Variants in KLF13 observed in about 807,000 individuals in gnomAD.
The protein encoded by KLF13 is Krueppel-like factor 13.
KLF13 carries 8 observed loss-of-function variants against 16.7 expected under a neutral mutation model. That is an observed-to-expected ratio of 0.48 (90% CI 0.28 to 0.87). KLF13 has a LOEUF of 0.87. KLF13 is among the 40% of genes least tolerant of loss of function. The probability of loss-of-function intolerance (pLI) is 0.10; values close to 1 mark genes in which losing one functional copy is unlikely to be tolerated. For synonymous variants in KLF13, 245 were observed against 208.4 expected (o/e 1.18, Z -1.51); for missense variants, 447 against 452.2 (o/e 0.99, Z 0.10).
At chr15:31,423,288 C>T (rs1253105812) in intron 1 of KLF13, among the ~76,000 whole-genome samples, 2 of 148,918 alleles carry the variant, frequency 1.3e-5, no homozygotes, top group African/African-American at 5.0e-5. Context: ...GATTTTAATA[C>T]CTTGCTTTCA....
At chr15:31,404,306 C>T (rs1447416816) in exon 3 of KLF13, 1 of 152,080 alleles carries the variant, frequency 6.6e-6, no homozygotes, top group African/African-American at 2.4e-5. Flanking sequence ...AGAAGGCTAC[C>T]TCTACCAGCT....
intron 2 of KLF13, among the ~76,000 whole-genome samples, chr15:31,398,849 C>T (rs1260704546): frequency 6.6e-6 from 1 of 152,192 alleles, no homozygotes; most frequent in Admixed American, 6.5e-5. Flanking sequence ...GCCAAGAAGC[C>T]GTGGGCAAGC....
chr15:31,335,435 A>C (rs28492026), intron 1 of KLF13, among the ~76,000 whole-genome samples: 1 of 34,888 alleles, frequency 2.9e-5, no homozygotes, highest in Non-Finnish European at 7.0e-5. Flanking sequence ...GTGTGTGTGT[A>C]TGTGTGTGTG....
intron 1 of KLF13, chr15:31,339,939 C>T: frequency 1.4e-6 from 1 of 702,362 alleles, no homozygotes; most frequent in South Asian, 1.5e-5. Context: ...CTGCTCTGCC[C>T]ACCCATGGAT....
intron 1 of KLF13, among the ~76,000 whole-genome samples, chr15:31,428,396 A>G (rs1363375852): frequency 6.6e-6 from 1 of 152,236 alleles, no homozygotes; most frequent in Non-Finnish European, 1.5e-5. Context: ...TGCAAGGCTC[A>G]GTATCCTAAA....
chr15:31,421,911 C>T (rs1225246596), intron 1 of KLF13, among the ~76,000 whole-genome samples: 10 of 151,970 alleles, frequency 6.6e-5, no homozygotes, highest in African/African-American at 2.4e-4. Flanking sequence ...GTCAGGAGTT[C>T]GAGACCAGCC....
At chr15:31,350,642 C>T (rs190333274) in intron 1 of KLF13, among the ~76,000 whole-genome samples, 15 of 152,314 alleles carry the variant, frequency 9.8e-5, no homozygotes, top group Admixed American at 7.8e-4. Context: ...GGTCTCTGGC[C>T]CAACTTCACC....
chr15:31,355,436 T>C (rs1247537384), intron 1 of KLF13, among the ~76,000 whole-genome samples: 1 of 152,226 alleles, frequency 6.6e-6, no homozygotes, highest in Non-Finnish European at 1.5e-5. Context: ...GAGTAGTGCA[T>C]GTGGTAATAC....
At chr15:31,399,292 C>T (rs1595499070) in intron 2 of KLF13, among the ~76,000 whole-genome samples, 1 of 152,212 alleles carries the variant, frequency 6.6e-6, no homozygotes, top group Non-Finnish European at 1.5e-5. Context: ...AGCGATTCTC[C>T]TGCCTCAGCC....
At chr15:31,399,507 C>T (rs147977180) in intron 2 of KLF13, among the ~76,000 whole-genome samples, 70 of 152,332 alleles carry the variant, frequency 4.6e-4, no homozygotes, top group African/African-American at 1.6e-3. Flanking sequence ...AACCACCACA[C>T]ACTGCCCTTG....
At chr15:31,389,368 A>G (rs2039832485), upstream of KLF13, among the ~76,000 whole-genome samples, 2 of 152,190 alleles carry the variant, frequency 1.3e-5, no homozygotes, top group Non-Finnish European at 2.9e-5. Flanking sequence ...CAGTAGTTAA[A>G]TTTTTGAGGA....
chr15:31,349,308 TC>T (rs2039178939), intron 1 of KLF13, among the ~76,000 whole-genome samples: 1 of 152,176 alleles, frequency 6.6e-6, no homozygotes, highest in Non-Finnish European at 1.5e-5. Context: ...GACACTGCTT[TC>T]CCCATGAGCC....
intron 1 of KLF13, among the ~76,000 whole-genome samples, chr15:31,342,295 G>A (rs1400952610): frequency 1.3e-5 from 2 of 152,106 alleles, no homozygotes; most frequent in Non-Finnish European, 2.9e-5. Context: ...AAGGACTTTC[G>A]GAGACCAGGC....
chr15:31,349,298 G>A (rs1051518502), intron 1 of KLF13, among the ~76,000 whole-genome samples: 1 of 152,220 alleles, frequency 6.6e-6, no homozygotes, highest in Non-Finnish European at 1.5e-5. Flanking sequence ...AGGGGAGGCT[G>A]ACACTGCTTT....
chr15:31,402,838 G>A lies in KLF13; in HGVS notation n.530-590G>A, dbSNP rs372851806. Among the ~76,000 whole-genome samples the A allele has an allele frequency of 2.6e-5, 4 of 151,422 alleles. No individual in the cohort carries two copies. The East Asian group carries it at 5.8e-4, about 22-fold the overall frequency. The stretch of plus-strand genomic sequence containing the variant: ...CCAACAGCAGTATATGGGTCTTATC[G>A]GAATATGAAATACTAAAATGTGGGG... On this transcript the variant is annotated intron_variant and non_coding_transcript_variant, in intron 2 of 2. Coordinates refer to the KLF13 transcript ENST00000500533.
chr15:31,369,372 C>T (rs1475441947), intron 1 of KLF13, among the ~76,000 whole-genome samples: 1 of 152,198 alleles, frequency 6.6e-6, no homozygotes, highest in Non-Finnish European at 1.5e-5. Flanking sequence ...CTGCCACCAC[C>T]TCATGGAGTT....
upstream of KLF13, among the ~76,000 whole-genome samples, chr15:31,390,686 C>T (rs1457766448): frequency 3.9e-5 from 6 of 152,174 alleles, no homozygotes; most frequent in Admixed American, 1.3e-4. Context: ...AGGTCTGCAA[C>T]GCTTTCCTCT....
chr15:31,367,465 C>T (rs2039492247), intron 1 of KLF13, among the ~76,000 whole-genome samples: 1 of 152,166 alleles, frequency 6.6e-6, no homozygotes, highest in African/African-American at 2.4e-5. Flanking sequence ...CACCTTCCTC[C>T]ACTCCAGGCT....
chr15:31,327,838 G>A, intron 1 of KLF13, 49 bp downstream of exon 1: 6 of 1,355,414 alleles, frequency 4.4e-6, no homozygotes, highest in Non-Finnish European at 5.8e-6. Flanking sequence ...GGGTCGGCGC[G>A]AGCTGCCCGA....
Sources: gnomAD v4.1 joint callset for allele counts (sites outside exome capture counted in the v4.1 genomes callset) on GRCh38, gnomAD v4.1.1 for gene constraint, MANE v1.5 for transcripts, NCBI Gene and HGNC (gene_info 2026-07-23, HGNC 2026-07-21) for gene names.